MEIS2: variants seen among roughly 807,000 people sequenced by gnomAD.
The protein encoded by MEIS2 is Meis homeobox 2.
MEIS2 carries 9 observed loss-of-function variants against 58.6 expected under a neutral mutation model. That is an observed-to-expected ratio of 0.15 (90% CI 0.09 to 0.27). The LOEUF (loss-of-function observed/expected upper bound fraction) is 0.27, where lower values mean the gene tolerates loss of function less well. Ranked by LOEUF, MEIS2 falls within the 10% of genes least tolerant of loss-of-function variation. MEIS2 has a pLI of 1.00. For missense variants in MEIS2, 427 were observed against 635.0 expected (o/e 0.67, Z 3.52); for synonymous variants, 221 against 228.4 (o/e 0.97, Z 0.29).
At chr15:36,971,800 A>G (rs1414045585) in intron 8 of MEIS2, among the ~76,000 whole-genome samples, 2 of 152,174 alleles carry the variant, frequency 1.3e-5, no homozygotes, top group Non-Finnish European at 2.9e-5. Context: ...ATACTCAGAG[A>G]CTTTACATTC....
chr15:36,973,096 T>C (rs1043058808), intron 8 of MEIS2, among the ~76,000 whole-genome samples: 3 of 152,310 alleles, frequency 2.0e-5, no homozygotes, highest in Non-Finnish European at 4.4e-5. Flanking sequence ...TCACTTAATC[T>C]CTCTAAGCCT....
At chr15:36,975,510 T>A (rs2059714310) in intron 8 of MEIS2, among the ~76,000 whole-genome samples, 1 of 140,902 alleles carries the variant, frequency 7.1e-6, no homozygotes, top group Admixed American at 7.3e-5. Flanking sequence ...TTACTGAACG[T>A]CTACCATGTG....
intron 9 of MEIS2, among the ~76,000 whole-genome samples, chr15:36,949,391 C>G (rs1387430293): frequency 2.0e-5 from 3 of 151,936 alleles, no homozygotes; most frequent in Admixed American, 1.3e-4. Flanking sequence ...CTGCCTGTAT[C>G]CCACAGATAG....
At chr15:36,943,512 G>A (rs1015103921) in intron 9 of MEIS2, among the ~76,000 whole-genome samples, 1 of 152,038 alleles carries the variant, frequency 6.6e-6, no homozygotes, top group Non-Finnish European at 1.5e-5. Context: ...GTTACTTTCA[G>A]CATGAGAAAT....
Position 36,895,135 on chromosome 15 carries a change from G to A in MEIS2, c.1147+16C>T. On this transcript the variant is annotated intron_variant, in intron 11 of 11. Coordinates refer to ENST00000561208, the MANE Select transcript of MEIS2 (RefSeq NM_170675.5). ...CACTTCCCAGGGAAGCCCAGAGGCG[G>A]GATGAGCCAACCTACCTGCAGGCCG... 1 of 1,609,132 alleles carries A rather than the reference G, an allele frequency of 6.2e-7. No individual in the cohort carries two copies. The highest frequency in any genetic ancestry group is 8.5e-7 in the Non-Finnish European group (1 of 1,176,782).
intron 3 of MEIS2, 102 bp downstream of exon 3, chr15:37,096,187 G>T: frequency 7.7e-7 from 1 of 1,304,966 alleles, no homozygotes; most frequent in Non-Finnish European, 1.0e-6. Flanking sequence ...CAGAGGAACA[G>T]ATAGGGTGTC....
chr15:37,097,098 C>T (rs569080700), intron 2 of MEIS2, among the ~76,000 whole-genome samples: 1 of 152,184 alleles, frequency 6.6e-6, no homozygotes, highest in Non-Finnish European at 1.5e-5. Flanking sequence ...TTGCAGCAGA[C>T]AAAAATAAAT....
intron 8 of MEIS2, among the ~76,000 whole-genome samples, chr15:36,956,508 ATGC>A (rs1225353904): frequency 6.6e-6 from 1 of 152,210 alleles, no homozygotes; most frequent in Non-Finnish European, 1.5e-5. Flanking sequence ...ACAGATAATC[ATGC>A]TGTTTGCATT....
Position 37,100,094 on chromosome 15 carries a change from T to C in MEIS2, c.-628A>G, listed in dbSNP as rs545962876. The C allele has an allele frequency of 3.8e-4, 52 of 136,950 alleles. No individual in the cohort carries two copies. Among genetic ancestry groups the C allele is most frequent in the African/African-American group, 1.4e-3 (51 of 37,556 alleles). The allele number at this position is 136,950 out of a possible 1,614,324, so 8.5% of individuals were successfully genotyped here. A position where few individuals can be genotyped will look rare whatever the true frequency, so the allele number is the denominator to read the frequency against. On this transcript the variant is annotated 5_prime_UTR_variant, in exon 1 of 12. Transcript: ENST00000561208. ...TTTTTCCTCCCCCCTCCCCCCTTTTTTAGCTTTGCCCCCGCGGTATCTATA... is the reference window on the plus strand; with the variant it reads ...TTTTTCCTCCCCCCTCCCCCCTTTTCTAGCTTTGCCCCCGCGGTATCTATA...
At chr15:36,911,189 A>G (rs1199653435) in intron 9 of MEIS2, among the ~76,000 whole-genome samples, 1 of 152,166 alleles carries the variant, frequency 6.6e-6, no homozygotes, top group Non-Finnish European at 1.5e-5. Flanking sequence ...TTTTAAAAAA[A>G]AGATCATTGG....
At chr15:36,969,261 C>T (rs1044855609) in intron 8 of MEIS2, among the ~76,000 whole-genome samples, 10 of 152,184 alleles carry the variant, frequency 6.6e-5, no homozygotes, top group African/African-American at 1.4e-4. Context: ...ATGAATTTCA[C>T]TATCTCACTT....
At chr15:36,992,336 A>T (rs1265074131) in intron 8 of MEIS2, among the ~76,000 whole-genome samples, 2 of 152,138 alleles carry the variant, frequency 1.3e-5, no homozygotes, top group Non-Finnish European at 2.9e-5. Context: ...TTTTTTTAAG[A>T]CTAAATGTAA....
intron 8 of MEIS2, among the ~76,000 whole-genome samples, chr15:37,008,236 C>G (rs907399564): frequency 6.6e-6 from 1 of 152,154 alleles, no homozygotes; most frequent in African/African-American, 2.4e-5. Flanking sequence ...ATGAACTTGG[C>G]GTTACATTTT....
intron 9 of MEIS2, among the ~76,000 whole-genome samples, chr15:36,937,583 T>G (rs1388396615): frequency 6.6e-6 from 1 of 152,200 alleles, no homozygotes; most frequent in Non-Finnish European, 1.5e-5. Context: ...TAAATTGCTA[T>G]GAAAGTGACA....
At position 36,954,583 on chromosome 15, in the gene MEIS2, G is replaced by C. The variant is rs1301390972; in HGVS notation, c.901-4183C>G. On this transcript the variant is annotated intron_variant, in intron 8 of 11. Transcript: ENST00000561208. ...CAATGAGATATTCTCTTGCATTGTG[G>C]TAACTCTTTCATGGACATTTTTTAA... Among the ~76,000 whole-genome samples the C allele has an allele frequency of 2.0e-5, 3 of 151,468 alleles. No homozygotes were observed. In the East Asian group the frequency reaches 5.8e-4, roughly 29 times the overall value.
chr15:36,987,301 G>A (rs2060123802), intron 8 of MEIS2, among the ~76,000 whole-genome samples: 1 of 151,780 alleles, frequency 6.6e-6, no homozygotes, highest in Non-Finnish European at 1.5e-5. Flanking sequence ...GCAGCTACTT[G>A]GGAGGCTAAG....
chr15:37,081,956 C>T (rs556505567), intron 7 of MEIS2, among the ~76,000 whole-genome samples: 1 of 152,300 alleles, frequency 6.6e-6, no homozygotes, highest in East Asian at 1.9e-4. Context: ...ATGCTTTGCT[C>T]GTTATTACAA....
chr15:37,071,063 C>T (rs1233783755), intron 7 of MEIS2, among the ~76,000 whole-genome samples: 1 of 151,868 alleles, frequency 6.6e-6, no homozygotes, highest in Non-Finnish European at 1.5e-5. Flanking sequence ...TCAATAGGTC[C>T]CTATTACCTA....
intron 8 of MEIS2, among the ~76,000 whole-genome samples, chr15:36,967,836 C>T (rs1452171530): frequency 6.6e-6 from 1 of 152,192 alleles, no homozygotes; most frequent in Non-Finnish European, 1.5e-5. Flanking sequence ...TCCCTCTATA[C>T]CTCTCCTCCC....
Sources: allele counts gnomAD v4.1 joint callset (sites outside exome capture counted in the v4.1 genomes callset), GRCh38; gene constraint gnomAD v4.1.1; transcripts MANE v1.5; gene names NCBI Gene and HGNC (gene_info 2026-07-23, HGNC 2026-07-21).